The following BNIP3L variants were observed in gnomAD, a reference collection of about 807,000 sequenced individuals.
The protein encoded by BNIP3L is BCL2 interacting protein 3 like.
BNIP3L carries 10 observed loss-of-function variants against 25.5 expected under a neutral mutation model. The ratio of observed to expected loss-of-function variants is 0.39; its 90% CI spans 0.24 to 0.67. The LOEUF (loss-of-function observed/expected upper bound fraction) is 0.67, where lower values mean the gene tolerates loss of function less well. BNIP3L is among the 30% of genes least tolerant of loss of function. The pLI, the probability that BNIP3L is intolerant of heterozygous loss-of-function variation, is 0.45. For missense variants in BNIP3L, 215 were observed against 270.9 expected, an observed-to-expected ratio of 0.79 and a Z score of 1.45; for synonymous variants, 113 against 101.2, an observed-to-expected ratio of 1.12 and a Z score of -0.70.
intron 3 of BNIP3L, among the ~76,000 whole-genome samples, chr8:26,401,858 A>G (rs1806390506): frequency 1.3e-5 from 2 of 152,230 alleles, no homozygotes; most frequent in South Asian, 4.1e-4. Flanking sequence ...TGGTAAGTAT[A>G]TAACTGTGGC....
chr8:26,383,268 G>T, intron 1 of BNIP3L, 38 bp downstream of exon 1: 2 of 1,583,570 alleles, frequency 1.3e-6, no homozygotes, highest in Non-Finnish European at 1.7e-6. Context: ...GGGGATGGGG[G>T]AGGAGGAGCA....
chr8:26,401,571 AAAC>A (rs1806378672), intron 3 of BNIP3L, among the ~76,000 whole-genome samples: 2 of 151,420 alleles, frequency 1.3e-5, no homozygotes, highest in African/African-American at 4.8e-5. Flanking sequence ...TAAAAAAAAA[AAAC>A]AAAAAAAAAA....
rs73675964 is a variant in BNIP3L, at chr8:26,406,299, T to C, written c.358-1701T>C. Among the ~76,000 whole-genome samples the C allele has an allele frequency of 4.5e-3, 692 of 152,240 alleles. 4 individuals are homozygous for C. Among genetic ancestry groups the C allele is most frequent in the African/African-American group, 0.016 (656 of 41,528 alleles). The stretch of plus-strand genomic sequence containing the variant: ...AACATAGTTTCGAAACCTTGGAAAA[T>C]GTTTGTATAGCAATTTGTCCTAAAA... On this transcript the variant is annotated intron_variant, in intron 3 of 5. Coordinates refer to ENST00000380629, the MANE Select transcript of BNIP3L (RefSeq NM_004331.3).
At chr8:26,387,009 A>T (rs1256312182) in intron 1 of BNIP3L, among the ~76,000 whole-genome samples, 1 of 152,192 alleles carries the variant, frequency 6.6e-6, no homozygotes, top group Non-Finnish European at 1.5e-5. Context: ...TGAGGAAAGA[A>T]TGTAAATATA....
chr8:26,405,437 C>T (rs1326773159), intron 3 of BNIP3L, among the ~76,000 whole-genome samples: 3 of 152,162 alleles, frequency 2.0e-5, no homozygotes, highest in African/African-American at 7.2e-5. Flanking sequence ...CTAAATGCTA[C>T]ATTGTGTCAT....
At chr8:26,403,488 A>G (rs1806435791) in intron 3 of BNIP3L, among the ~76,000 whole-genome samples, 1 of 151,648 alleles carries the variant, frequency 6.6e-6, no homozygotes, top group African/African-American at 2.4e-5. Context: ...ATGAGGAAGT[A>G]AAGTCACTAA....
chr8:26,395,001 A>C (rs1003005490), intron 2 of BNIP3L, among the ~76,000 whole-genome samples: 2 of 152,228 alleles, frequency 1.3e-5, no homozygotes, highest in African/African-American at 4.8e-5. Flanking sequence ...ATTTTGAAGG[A>C]TTTCATTACT....
At chr8:26,383,710 G>A (rs183340956) in intron 1 of BNIP3L, among the ~76,000 whole-genome samples, 74 of 151,576 alleles carry the variant, frequency 4.9e-4, no homozygotes, top group Admixed American at 4.7e-3. Context: ...CGGGGCTCGC[G>A]GGCGGGCAGC....
chr8:26,393,101 G>A (rs1467630933), intron 2 of BNIP3L, among the ~76,000 whole-genome samples: 1 of 151,776 alleles, frequency 6.6e-6, no homozygotes, highest in Non-Finnish European at 1.5e-5. Context: ...GCTAGAACTC[G>A]AGTCTTCTGG....
At chr8:26,383,990 G>A (rs887279038) in intron 1 of BNIP3L, among the ~76,000 whole-genome samples, 5 of 152,012 alleles carry the variant, frequency 3.3e-5, no homozygotes, top group African/African-American at 1.2e-4. Context: ...GGGAGTCTGG[G>A]GCCATGCATT....
At chr8:26,390,241 A>G in intron 1 of BNIP3L, 1 of 644,358 alleles carries the variant, frequency 1.6e-6, no homozygotes, top group Non-Finnish European at 1.9e-6. Flanking sequence ...TGTGTGAGCC[A>G]CTGTACCTGG....
rs1476822542 is a variant in BNIP3L at position 26,410,719 on chromosome 8, T to G, written c.*307T>G. The G allele has an allele frequency of 5.4e-6, 2 of 372,296 alleles. No individual in the cohort carries two copies. Among genetic ancestry groups the G allele is most frequent in the East Asian group, 1.1e-4 (2 of 17,664 alleles). 23.1% of individuals were successfully genotyped at this position (372,296 alleles called of 1,614,324 possible). The stretch of plus-strand genomic sequence containing the variant: ...CAGATTATAATTTTGTCAGCAATGC[T>G]ATTATCTCTAATTAGTGCCACCAGA... On this transcript the variant is annotated 3_prime_UTR_variant, in exon 6 of 6. Transcript: ENST00000380629.
intron 3 of BNIP3L, among the ~76,000 whole-genome samples, chr8:26,403,277 C>T (rs1371539139): frequency 1.3e-5 from 2 of 151,692 alleles, no homozygotes; most frequent in Non-Finnish European, 2.9e-5. Context: ...TTTGACATTG[C>T]CTTTTTTTAA....
chr8:26,410,214 T>C, intron 5 of BNIP3L, 150 bp from the exon 6 acceptor site: 1 of 785,894 alleles, frequency 1.3e-6, no homozygotes, highest in Admixed American at 2.8e-5. Context: ...AGAAAGTCAG[T>C]GATGATTTCA....
In BNIP3L at chr8:26,408,035, C is replaced by T. The variant is rs201574024; in HGVS notation, c.393C>T (p.Val131=). 16 of 1,613,968 alleles carry T rather than the reference C, an allele frequency of 9.9e-6. No individual in the cohort carries two copies. The highest frequency in any genetic ancestry group is 5.3e-5 in the African/African-American group (4 of 74,892). ...AAGTTGTAGAAGGAGAGAAGGAAGT[C>T]GAGGCTTTGAAGAAAAGTGCGGACT... ...EEEVVEGEKE[V]EALKKSADWV... The change falls in exon 4 of 6, where the codon GTC becomes GTT. Residue 131 remains valine (V), a synonymous_variant. Coordinates refer to ENST00000380629, the MANE Select transcript of BNIP3L (RefSeq NM_004331.3).
chr8:26,403,737 G>T (rs1339183254), intron 3 of BNIP3L, among the ~76,000 whole-genome samples: 1 of 151,558 alleles, frequency 6.6e-6, no homozygotes, highest in Non-Finnish European at 1.5e-5. Context: ...ACAGAGTCTC[G>T]CTATATTGCC....
chr8:26,407,841 C>T (rs182664452), intron 3 of BNIP3L, among the ~76,000 whole-genome samples, 159 bp from the exon 4 acceptor site: 2 of 152,192 alleles, frequency 1.3e-5, no homozygotes, highest in Admixed American at 6.5e-5. Context: ...TCTGATCTTA[C>T]ATTATTTTTC....
At chr8:26,390,478 A>C (rs1806080257) in intron 1 of BNIP3L, 1 of 985,344 alleles carries the variant, frequency 1.0e-6, no homozygotes, top group African/African-American at 1.7e-5. Flanking sequence ...TAGAAAGTAG[A>C]AACCCGTGGG....
At chr8:26,403,103 G>A (rs1806426666) in intron 3 of BNIP3L, among the ~76,000 whole-genome samples, 1 of 152,158 alleles carries the variant, frequency 6.6e-6, no homozygotes, top group Non-Finnish European at 1.5e-5. Context: ...AAAGAGCATA[G>A]GCTATCATCA....
Sources: allele counts gnomAD v4.1 joint callset (sites outside exome capture counted in the v4.1 genomes callset), GRCh38; gene constraint gnomAD v4.1.1; transcripts MANE v1.5; gene names NCBI Gene and HGNC (gene_info 2026-07-23, HGNC 2026-07-21).